Variants in TCL1A observed in about 807,000 individuals in gnomAD.
TCL1A encodes TCL1 family AKT coactivator A, also known as T-cell leukemia/lymphoma protein 1A.
A neutral mutation model predicts 16.9 loss-of-function variants in TCL1A; 9 were observed. That is an observed-to-expected ratio of 0.53 (90% CI 0.32 to 0.93). The LOEUF is 0.93. Among genes scored for constraint, TCL1A ranks in the 40% least tolerant of loss-of-function variants. TCL1A has a pLI of 0.04. For synonymous variants in TCL1A, 69 were observed against 63.2 expected (o/e 1.09, Z -0.44); for missense variants, 139 against 153.0 (o/e 0.91, Z 0.48).
At chr14:95,713,213 A>G (rs1595067091) in intron 1 of TCL1A, among the ~76,000 whole-genome samples, 1 of 152,328 alleles carries the variant, frequency 6.6e-6, no homozygotes, top group African/African-American at 2.4e-5. Context: ...TCAACACTCA[A>G]TAATTTTTGA....
Position 95,714,055 on chromosome 14 carries a change from G to A in TCL1A, c.12C>T (p.Cys4=). MAE[C]PTLGEAVTDH... ...CGGTGACTGCCTCCCCGAGTGTCGG[G>A]CACTCGGCCATGGCGTCCTCGGGCC... The change falls in exon 1 of 4, where the codon TGC becomes TGT. Residue 4 remains cysteine, a synonymous_variant. Transcript: ENST00000402399. The A allele has an allele frequency of 6.2e-7, 1 of 1,613,902 alleles. No individual in the cohort carries two copies. The highest frequency in any genetic ancestry group is 8.5e-7 in the Non-Finnish European group (1 of 1,180,024).
chr14:95,712,544 A>G (rs1886387451), intron 1 of TCL1A, 148 bp from the exon 2 acceptor site: 2 of 1,470,574 alleles, frequency 1.4e-6, no homozygotes, highest in African/African-American at 2.8e-5. Context: ...TGTTCCCTGA[A>G]GCTCACTTCC....
At position 95,710,622 on chromosome 14, in the gene TCL1A, A is replaced by T. The variant is rs1886322902; in HGVS notation, c.*266T>A. On this transcript the variant is annotated 3_prime_UTR_variant, in exon 4 of 4. Coordinates refer to ENST00000402399, the MANE Select transcript of TCL1A (RefSeq NM_021966.3). The stretch of plus-strand genomic sequence containing the variant: ...CTGAGAAAAGCCGAGGCACAGGTAT[A>T]GCTGGGCACCTGGAAGAAGCTCTGC... The T allele has an allele frequency of 6.6e-6, 1 of 152,544 alleles. No individual in the cohort carries two copies. Among genetic ancestry groups the T allele is most frequent in the Non-Finnish European group, 1.5e-5 (1 of 68,284 alleles). 9.4% of individuals were successfully genotyped at this position (152,544 alleles called of 1,614,324 possible). A position where few individuals can be genotyped will look rare whatever the true frequency, so the allele number is the denominator to read the frequency against.
At chr14:95,713,413 T>C (rs2139722635) in intron 1 of TCL1A, among the ~76,000 whole-genome samples, 1 of 152,274 alleles carries the variant, frequency 6.6e-6, no homozygotes, top group African/African-American at 2.4e-5. Context: ...CATCACACAT[T>C]AAAAAAGTCA....
At position 95,714,036 on chromosome 14, in the gene TCL1A, C is replaced by T. The variant is rs75353825; in HGVS notation, c.31G>A (p.Val11Ile). The T allele has an allele frequency of 1.2e-3, 1,935 of 1,614,092 alleles. 23 individuals carry two copies. In the African/African-American group the frequency reaches 0.022, roughly 19 times the overall value. Residue 11 changes from valine (V) to isoleucine (I), a missense_variant, in exon 1 of 4, where the codon GTC becomes ATC. By Grantham distance (29) the Val-to-Ile change is conservative. Transcript: ENST00000402399. MAECPTLGEAVTDHPDRLWAW... is the reference protein window; with the variant it reads MAECPTLGEAITDHPDRLWAW... ...CACAGGCGGTCCGGGTGGTCGGTGA[C>T]TGCCTCCCCGAGTGTCGGGCACTCG...
intron 1 of TCL1A, among the ~76,000 whole-genome samples, chr14:95,713,652 T>G (rs1886453633): frequency 6.6e-6 from 1 of 152,228 alleles, no homozygotes; most frequent in African/African-American, 2.4e-5. Flanking sequence ...TACCCATTTT[T>G]AAGGATTAGG....
Position 95,714,009 on chromosome 14 carries a change from C to T in TCL1A, c.58G>A (p.Ala20Thr), listed in dbSNP as rs1886492629. 1 of 1,614,148 alleles carries T rather than the reference C, an allele frequency of 6.2e-7. No individual in the cohort carries two copies. The highest frequency in any genetic ancestry group is 8.5e-7 in the Non-Finnish European group (1 of 1,180,022). ...AVTDHPDRLW[A>T]WEKFVYLDEK... ...TCCAAATACACGAACTTCTCCCAGG[C>T]CCACAGGCGGTCCGGGTGGTCGGTG... The change falls in exon 1 of 4, where the codon GCC becomes ACC. Residue 20 changes from alanine to threonine, a missense_variant. By Grantham distance (58) the Ala-to-Thr change is moderately conservative. This residue lies in a region of TCL1A where 94 missense variants were observed against 80.2 expected (regional missense o/e 1.17). Transcript: ENST00000402399.
rs566277338 is a variant in TCL1A, at chr14:95,712,719, A to T, written c.121-323T>A. 1.9e-4 allele frequency: 258 copies of T among 1,326,064 alleles called. No homozygotes were observed. The African/African-American group carries it at 3.5e-3, about 18-fold the overall frequency. 82.1% of individuals were successfully genotyped at this position (1,326,064 alleles called of 1,614,324 possible). A position where few individuals can be genotyped will look rare whatever the true frequency, so the allele number is the denominator to read the frequency against. ...TGCTTTGGAAGGCAGAGGCAGGAGG[A>T]TCGCTTGAGGCCAGGAGTTTAAGAC... On this transcript the variant is annotated intron_variant, in intron 1 of 3. Coordinates refer to ENST00000402399, the MANE Select transcript of TCL1A (RefSeq NM_021966.3).
Position 95,712,346 on chromosome 14 carries a change from G to A in TCL1A, c.171C>T (p.Val57=). The A allele has an allele frequency of 6.2e-7, 1 of 1,613,878 alleles. No homozygotes were observed. The change falls in exon 2 of 4, where the codon GTC becomes GTT. Residue 57 remains valine, a synonymous_variant. Coordinates refer to ENST00000402399, the MANE Select transcript of TCL1A (RefSeq NM_021966.3). ...GGGTGGGGGTCATAGGCCTCCCCAG[G>A]ACGACGTCTTCCCGACGCAAGAGCA... is the stretch of plus-strand genomic sequence containing the variant. ...LRVLLRREDV[V]LGRPMTPTQI...
At position 95,710,154 on chromosome 14, in the gene TCL1A, G is replaced by A. The variant is rs1448083747; in HGVS notation, c.*734C>T. The A allele has an allele frequency of 6.6e-6, 1 of 152,194 alleles. No individual in the cohort carries two copies. The highest frequency in any genetic ancestry group is 2.4e-5 in the African/African-American group (1 of 41,420). The allele number at this position is 152,194 out of a possible 1,614,324, so 9.4% of individuals were successfully genotyped here. On this transcript the variant is annotated 3_prime_UTR_variant, in exon 4 of 4. Coordinates refer to ENST00000402399, the MANE Select transcript of TCL1A (RefSeq NM_021966.3). ...GGTGCGTGACCATCTATAAAAGGGGGGAAACCCAACCTCTATCCCTTTTCC... is the reference window on the plus strand; with the variant it reads ...GGTGCGTGACCATCTATAAAAGGGGAGAAACCCAACCTCTATCCCTTTTCC...
intron 1 of TCL1A, among the ~76,000 whole-genome samples, chr14:95,713,502 A>G (rs551678957): frequency 6.6e-6 from 1 of 152,326 alleles, no homozygotes; most frequent in African/African-American, 2.4e-5. Flanking sequence ...GAGGTAGTGG[A>G]AAATACTTCA....
At position 95,712,457 on chromosome 14, in the gene TCL1A, C is replaced by T. The variant is rs1201949455; in HGVS notation, c.121-61G>A. 28 of 1,538,866 alleles carry T rather than the reference C, an allele frequency of 1.8e-5. No individual in the cohort carries two copies. In the Middle Eastern group the frequency reaches 7.6e-4, roughly 42 times the overall value. The stretch of plus-strand genomic sequence containing the variant: ...TTCCGCTTGCCAGGGCTTCTCCAGG[C>T]GCAGAAAACCGGAATCCCTCCTGCC... On this transcript the variant is annotated intron_variant, in intron 1 of 3. Transcript: ENST00000402399.
intron 2 of TCL1A, 45 bp downstream of exon 2, chr14:95,712,175 C>G (rs149106856): frequency 1.5e-4 from 248 of 1,611,694 alleles, no homozygotes; most frequent in Non-Finnish European, 7.7e-5. Flanking sequence ...TGGAGGAGGG[C>G]AAACCCAAGA....
chr14:95,712,045 C>A (rs1157238300), intron 2 of TCL1A, 175 bp downstream of exon 2: 5 of 926,188 alleles, frequency 5.4e-6, no homozygotes, highest in Non-Finnish European at 8.2e-6. Context: ...TGTTAGAGAC[C>A]TCAGAGGATC....
intron 1 of TCL1A, chr14:95,712,910 A>T (rs1886402341): frequency 4.7e-6 from 1 of 213,418 alleles, no homozygotes; most frequent in African/African-American, 2.3e-5. Context: ...TGATTTTATG[A>T]AAAACTGTCT....
At chr14:95,711,872 GC>G in intron 2 of TCL1A, 70 bp from the exon 3 acceptor site, 1 of 1,575,106 alleles carries the variant, frequency 6.3e-7, no homozygotes, top group Non-Finnish European at 8.6e-7. Context: ...CCTCACTCCT[GC>G]GCCTTCCCCT....
At chr14:95,713,028 A>C (rs1886408339) in intron 1 of TCL1A, among the ~76,000 whole-genome samples, 1 of 152,332 alleles carries the variant, frequency 6.6e-6, no homozygotes, top group Admixed American at 6.5e-5. Flanking sequence ...TTAAAAAAGT[A>C]AGTATTTAAC....
chr14:95,712,736 G>T, intron 1 of TCL1A: 2 of 1,256,826 alleles, frequency 1.6e-6, no homozygotes, highest in Non-Finnish European at 2.1e-6. Flanking sequence ...GAGGCCAGGA[G>T]TTTAAGACCA....
At chr14:95,712,972 AAAAG>A (rs1489161075) in intron 1 of TCL1A, among the ~76,000 whole-genome samples, 2 of 152,290 alleles carry the variant, frequency 1.3e-5, no homozygotes, top group Non-Finnish European at 2.9e-5. Flanking sequence ...GAGATTTAAA[AAAAG>A]AAATCCACTG....
Sources: gnomAD v4.1 joint callset for allele counts (sites outside exome capture counted in the v4.1 genomes callset) on GRCh38, gnomAD v4.1.1 for gene constraint, gnomAD v4.1.1 regional missense constraint, MANE v1.5 for transcripts, NCBI Gene and HGNC (gene_info 2026-07-23, HGNC 2026-07-21) for gene names.